GABRA3: variants seen among roughly 807,000 people sequenced by gnomAD.
GABRA3 encodes gamma-aminobutyric acid type A receptor subunit alpha3.
GABRA3 carries 10 observed loss-of-function variants against 30.1 expected under a neutral mutation model. The observed-to-expected ratio is 0.33, with a 90% CI of 0.20 to 0.56. The LOEUF is 0.56. Among genes scored for constraint, GABRA3 ranks in the 20% least tolerant of loss-of-function variants. GABRA3 has a pLI of 0.89. For synonymous variants in GABRA3, 151 were observed against 146.8 expected (o/e 1.03, Z -0.21); for missense variants, 233 against 392.0 (o/e 0.59, Z 3.42).
intron 3 of GABRA3, among the ~76,000 whole-genome samples, chrX:152,291,478 C>G (rs969079567): frequency 4.5e-5 from 5 of 111,728 alleles, no homozygotes; most frequent in African/African-American, 1.6e-4. Context: ...TTGACTTCCT[C>G]TTTTCCTAAT....
chrX:152,345,731 AT>A (rs763363996), intron 2 of GABRA3, 29 bp from the exon 3 acceptor site: 11 of 1,154,173 alleles, frequency 9.5e-6, no homozygotes, highest in South Asian at 4.1e-5. Flanking sequence ...AAGAAAAAAA[AT>A]AATAGTTCTT....
chrX:152,297,065 C>A (rs1266812828), intron 3 of GABRA3, among the ~76,000 whole-genome samples: 1 of 111,272 alleles, frequency 9.0e-6, no homozygotes, highest in East Asian at 2.8e-4. Context: ...TAAAATAACA[C>A]CAGAAGGAAC....
chrX:152,190,376 CCAGAA>C (rs2124347641), intron 8 of GABRA3, among the ~76,000 whole-genome samples: 1 of 111,294 alleles, frequency 9.0e-6, no homozygotes, highest in South Asian at 3.8e-4. Context: ...TCCTTACTCT[CCAGAA>C]CAGACCTTCA....
At chrX:152,409,532 A>G (rs751184768) in intron 1 of GABRA3, among the ~76,000 whole-genome samples, 2 of 111,970 alleles carry the variant, frequency 1.8e-5, no homozygotes, top group Admixed American at 9.5e-5. Flanking sequence ...GGAGTCACAT[A>G]AAGCCAAAAG....
At chrX:152,373,199 G>T (rs1245714602) in intron 1 of GABRA3, among the ~76,000 whole-genome samples, 2 of 111,603 alleles carry the variant, frequency 1.8e-5, no homozygotes, top group Non-Finnish European at 3.8e-5. Context: ...AGGTAAACAT[G>T]TGCCATGATA....
At chrX:152,220,125 GTTTGAAAGTGTT>G (rs1261567273) in intron 6 of GABRA3, among the ~76,000 whole-genome samples, 3 of 111,486 alleles carry the variant, frequency 2.7e-5, no homozygotes, top group Non-Finnish European at 5.7e-5. Context: ...GCGTTAAGAA[GTTTGAAAGTGTT>G]TTAAGAATAA....
intron 3 of GABRA3, among the ~76,000 whole-genome samples, chrX:152,331,320 A>T (rs6526099): frequency 0.21 from 22,912 of 109,528 alleles, 2,245 homozygotes; most frequent in African/African-American, 0.38. Flanking sequence ...CAGAAGCTAG[A>T]TAGCTAAGTA....
intron 2 of GABRA3, among the ~76,000 whole-genome samples, chrX:152,360,714 AAAAAAAAAAATT>A (rs1368619788): frequency 0.079 from 6,750 of 85,484 alleles, 336 homozygotes; most frequent in Non-Finnish European, 0.087. Flanking sequence ...AAAAAAATTA[AAAAAAAAAAATT>A]AAAAAAAAAA....
chrX:152,417,341 GT>G (rs1930253355), intron 1 of GABRA3, among the ~76,000 whole-genome samples: 1 of 104,862 alleles, frequency 9.5e-6, no homozygotes, highest in Non-Finnish European at 1.9e-5. Flanking sequence ...CCTCACACCA[GT>G]TAGAATGGTG....
At chrX:152,279,372 T>C (rs1484421245) in intron 4 of GABRA3, among the ~76,000 whole-genome samples, 8 of 111,988 alleles carry the variant, frequency 7.1e-5, no homozygotes, top group East Asian at 2.8e-4. Context: ...TAGGGAATCC[T>C]TTCCCCATTT....
intron 5 of GABRA3, among the ~76,000 whole-genome samples, chrX:152,228,089 A>G (rs1328375136): frequency 1.8e-5 from 2 of 111,799 alleles, no homozygotes; most frequent in Non-Finnish European, 3.8e-5. Context: ...TAACCCTCAC[A>G]TATGCAGTTA....
chrX:152,217,205 C>T (rs1365182568), intron 6 of GABRA3, among the ~76,000 whole-genome samples: 1 of 110,870 alleles, frequency 9.0e-6, no homozygotes, highest in Non-Finnish European at 1.9e-5. Context: ...TTGAGATGAT[C>T]GTGTGGTTTT....
chrX:152,297,597 C>T (rs780956274), intron 3 of GABRA3, among the ~76,000 whole-genome samples: 1 of 112,190 alleles, frequency 8.9e-6, no homozygotes, highest in Non-Finnish European at 1.9e-5. Flanking sequence ...TTTATAACAT[C>T]TCAGTATAAG....
chrX:152,423,787 A>T (rs952937507), intron 1 of GABRA3, among the ~76,000 whole-genome samples: 2 of 111,482 alleles, frequency 1.8e-5, no homozygotes, highest in Admixed American at 1.9e-4. Flanking sequence ...AAAATTGAAG[A>T]AAGGATGTGG....
At chrX:152,282,754 G>A (rs899106455) in intron 4 of GABRA3, among the ~76,000 whole-genome samples, 1 of 111,887 alleles carries the variant, frequency 8.9e-6, no homozygotes, top group Non-Finnish European at 1.9e-5. Context: ...GACTGTGTGT[G>A]TCCTTCTCTG....
intron 2 of GABRA3, among the ~76,000 whole-genome samples, chrX:152,355,417 C>T (rs775383907): frequency 7.1e-4 from 79 of 111,264 alleles, no homozygotes; most frequent in African/African-American, 2.4e-3. Context: ...CAGAGGAAGA[C>T]GAAAAGACTG....
intron 3 of GABRA3, among the ~76,000 whole-genome samples, chrX:152,292,315 T>C (rs1305800696): frequency 1.8e-5 from 2 of 112,258 alleles, no homozygotes; most frequent in Non-Finnish European, 3.8e-5. Flanking sequence ...GAGGTGTTTA[T>C]TGTATTCTCT....
At chrX:152,266,761 A>C (rs1350685706) in intron 4 of GABRA3, among the ~76,000 whole-genome samples, 1 of 111,026 alleles carries the variant, frequency 9.0e-6, no homozygotes, top group Non-Finnish European at 1.9e-5. Flanking sequence ...CTGAAAAAAA[A>C]ATATTTTTTT....
chrX:152,235,668 G>C (rs1006934230), intron 5 of GABRA3, among the ~76,000 whole-genome samples: 2 of 111,557 alleles, frequency 1.8e-5, no homozygotes, highest in Non-Finnish European at 3.8e-5. Context: ...CATTTTCAGA[G>C]ATGAAAGATC....
Sources: allele counts gnomAD v4.1 joint callset (sites outside exome capture counted in the v4.1 genomes callset), GRCh38; gene constraint gnomAD v4.1.1; transcripts MANE v1.5; gene names NCBI Gene and HGNC (gene_info 2026-07-23, HGNC 2026-07-21).